Variants in PDE4D observed in about 807,000 individuals in gnomAD.
PDE4D encodes the protein 3',5'-cyclic-AMP phosphodiesterase 4D.
In PDE4D, 24 loss-of-function variants were observed where a neutral mutation model predicts 87.4. The observed-to-expected ratio is 0.27, with a 90% CI of 0.20 to 0.39. The LOEUF (loss-of-function observed/expected upper bound fraction) is 0.39, where lower values mean the gene tolerates loss of function less well. PDE4D is among the 10% of genes least tolerant of loss of function. PDE4D has a pLI of 1.00. For missense variants in PDE4D, 714 were observed against 1,041.0 expected (o/e 0.69, Z 4.32); for synonymous variants, 384 against 383.2 (o/e 1.00, Z -0.02).
chr5:60,387,196 C>T (rs1235437660), intron 1 of PDE4D, among the ~76,000 whole-genome samples: 5 of 152,226 alleles, frequency 3.3e-5, no homozygotes. Flanking sequence ...AAACTTGGAA[C>T]GTCCTGCTCA....
intron 2 of PDE4D, among the ~76,000 whole-genome samples, chr5:60,103,974 G>A (rs1482238012): frequency 6.6e-6 from 1 of 152,184 alleles, no homozygotes; most frequent in African/African-American, 2.4e-5. Flanking sequence ...TGAGGTACCA[G>A]GTTCATCTCA....
intron 1 of PDE4D, among the ~76,000 whole-genome samples, chr5:60,269,078 C>A (rs572240980): frequency 6.6e-6 from 1 of 151,984 alleles, no homozygotes; most frequent in African/African-American, 2.4e-5. Flanking sequence ...CCGAGGCGGG[C>A]GGATCACCTG....
At chr5:59,395,744 C>T (rs570469935) in intron 1 of PDE4D, among the ~76,000 whole-genome samples, 5 of 131,184 alleles carry the variant, frequency 3.8e-5, no homozygotes, top group East Asian at 4.6e-4. Context: ...ATGACTTTGA[C>T]GAGCTGAGAG....
chr5:60,158,811 C>A (rs1053455447), intron 2 of PDE4D, among the ~76,000 whole-genome samples: 1 of 152,078 alleles, frequency 6.6e-6, no homozygotes, highest in Admixed American at 6.5e-5. Context: ...CCTCGTGATC[C>A]GCCCGCCTCG....
intron 3 of PDE4D, among the ~76,000 whole-genome samples, chr5:59,927,527 C>T (rs192438213): frequency 5.3e-4 from 80 of 152,280 alleles, no homozygotes; most frequent in African/African-American, 1.7e-3. Context: ...TGAATAAGAA[C>T]ATCAACAAAG....
chr5:60,459,243 G>C (rs1276081863), intron 1 of PDE4D, among the ~76,000 whole-genome samples: 1 of 152,108 alleles, frequency 6.6e-6, no homozygotes, highest in African/African-American at 2.4e-5. Context: ...TTTTAAAAGT[G>C]TCATCTTAAA....
chr5:59,823,581 T>C (rs1769962256), intron 1 of PDE4D, among the ~76,000 whole-genome samples: 1 of 152,076 alleles, frequency 6.6e-6, no homozygotes, highest in South Asian at 2.1e-4. Context: ...TTTACACATT[T>C]TTCTGCTCCT....
At chr5:58,979,961 A>AACTT (rs1744710828) in intron 11 of PDE4D, among the ~76,000 whole-genome samples, 2 of 152,192 alleles carry the variant, frequency 1.3e-5, no homozygotes, top group Non-Finnish European at 2.9e-5. Flanking sequence ...AATTATTTCA[A>AACTT]ACTTACAAAG....
intron 1 of PDE4D, chr5:59,217,128 T>A (rs1206526488): frequency 2.2e-6 from 1 of 447,708 alleles, no homozygotes; most frequent in Non-Finnish European, 4.5e-6. Context: ...ATAATCTAGA[T>A]AAACTTTCCA....
At chr5:59,163,782 A>G (rs1781507101) in intron 5 of PDE4D, among the ~76,000 whole-genome samples, 1 of 152,216 alleles carries the variant, frequency 6.6e-6, no homozygotes, top group South Asian at 2.1e-4. Context: ...TGTAAAGGAA[A>G]TAGTTGTTAT....
intron 1 of PDE4D, among the ~76,000 whole-genome samples, chr5:59,585,358 G>T (rs1370343747): frequency 1.3e-5 from 2 of 152,150 alleles, no homozygotes; most frequent in Non-Finnish European, 2.9e-5. Context: ...CAGCTGGAAA[G>T]CCCTCCGAAA....
rs150929895 is a variant in PDE4D at position 60,065,010 on chromosome 5, T to C, written c.43-76293A>G. On this transcript the variant is annotated intron_variant, in intron 2 of 16. Coordinates refer to the PDE4D transcript ENST00000502484. ...TCTAGGCAAAGCCTATGCTGTAATG[T>C]AGGACAGAAAAGAAATACAATAGTG... 9.8e-5 allele frequency among the ~76,000 whole-genome samples: 15 copies of C among 152,296 alleles called. No homozygotes were observed. In the East Asian group the frequency reaches 2.9e-3, roughly 29 times the overall value.
intron 11 of PDE4D, among the ~76,000 whole-genome samples, chr5:58,981,462 TC>T: frequency 1.4e-5 from 2 of 146,166 alleles, no homozygotes; most frequent in East Asian, 4.0e-4. Flanking sequence ...AGTTAATACC[TC>T]TTATGTTATA....
intron 1 of PDE4D, among the ~76,000 whole-genome samples, chr5:59,678,262 A>C (rs1748443125): frequency 6.6e-6 from 1 of 152,210 alleles, no homozygotes; most frequent in African/African-American, 2.4e-5. Flanking sequence ...CATTATTTCA[A>C]AATTTAATTA....
At chr5:60,050,892 T>C (rs35314596) in intron 2 of PDE4D, among the ~76,000 whole-genome samples, 23,381 of 152,112 alleles carry the variant, frequency 0.15, 1,827 homozygotes, top group Middle Eastern at 0.23. Flanking sequence ...GCCATCCTAA[T>C]TTCTGATAAA....
chr5:59,652,155 C>T (rs1298987279), intron 1 of PDE4D, among the ~76,000 whole-genome samples: 1 of 152,134 alleles, frequency 6.6e-6, no homozygotes, highest in Non-Finnish European at 1.5e-5. Flanking sequence ...GGTGTTGGTC[C>T]CAAGAACGGT....
intron 1 of PDE4D, among the ~76,000 whole-genome samples, chr5:59,875,362 G>A (rs1384618922): frequency 1.3e-5 from 2 of 149,646 alleles, no homozygotes; most frequent in East Asian, 4.0e-4. Flanking sequence ...TCGGGAGGCT[G>A]AGGCAGGAGA....
At chr5:59,870,889 A>T (rs2152736877) in intron 1 of PDE4D, among the ~76,000 whole-genome samples, 1 of 152,346 alleles carries the variant, frequency 6.6e-6, no homozygotes, top group East Asian at 1.9e-4. Flanking sequence ...AATCCAAGTA[A>T]GAAGGCATGG....
At chr5:59,931,304 AT>A (rs1487930997) in intron 3 of PDE4D, among the ~76,000 whole-genome samples, 1 of 152,206 alleles carries the variant, frequency 6.6e-6, no homozygotes, top group Non-Finnish European at 1.5e-5. Flanking sequence ...TATTTGTTAT[AT>A]AAAAGAGTAA....
Sources: gnomAD v4.1 joint callset for allele counts (sites outside exome capture counted in the v4.1 genomes callset) on GRCh38, gnomAD v4.1.1 for gene constraint, MANE v1.5 for transcripts, NCBI Gene and HGNC (gene_info 2026-07-23, HGNC 2026-07-21) for gene names.